The following ZBTB8A variants were observed in gnomAD, a reference collection of about 807,000 sequenced individuals.
ZBTB8A encodes the protein zinc finger and BTB domain-containing protein 8A.
Under a neutral mutation model 37.8 loss-of-function variants are expected in ZBTB8A, and 19 were observed. The ratio of observed to expected loss-of-function variants is 0.50; its 90% CI spans 0.35 to 0.74. ZBTB8A has a LOEUF of 0.74. ZBTB8A is among the 30% of genes least tolerant of loss of function. ZBTB8A has a pLI of 0.01. For synonymous variants in ZBTB8A, 181 were observed against 185.2 expected (o/e 0.98, Z 0.19); for missense variants, 394 against 537.8 (o/e 0.73, Z 2.65).
rs184972449 is a variant in ZBTB8A at position 32,593,111 on chromosome 1, G to A, written c.180G>A (p.Thr60=). The A allele has an allele frequency of 2.4e-5, 38 of 1,614,162 alleles. No homozygotes were observed. The highest frequency in any genetic ancestry group is 1.6e-4 in the Middle Eastern group (1 of 6,062). ...KMLLSQNSKE[T]SQPTTATFQA... ...TTCTTTCTCAGAATTCAAAGGAGAC[G>A]AGTCAGCCAACCACAGCTACATTTC... The change falls in exon 3 of 5, where the codon ACG becomes ACA. Residue 60 remains threonine (T), a synonymous_variant. Coordinates refer to ENST00000373510, the MANE Select transcript of ZBTB8A (RefSeq NM_001040441.3).
At chr1:32,585,997 C>A (rs758048883) in intron 2 of ZBTB8A, among the ~76,000 whole-genome samples, 4 of 150,230 alleles carry the variant, frequency 2.7e-5, no homozygotes, top group Non-Finnish European at 3.0e-5. Context: ...GAGTGAAATT[C>A]CGTCTCAAAA....
At chr1:32,567,946 C>T (rs1338816814) in intron 2 of ZBTB8A, among the ~76,000 whole-genome samples, 1 of 151,776 alleles carries the variant, frequency 6.6e-6, no homozygotes. Context: ...TTGAGACCAG[C>T]CTGGCTAACA....
chr1:32,551,058 A>G (rs2148216726), intron 1 of ZBTB8A, among the ~76,000 whole-genome samples: 1 of 152,246 alleles, frequency 6.6e-6, no homozygotes, highest in African/African-American at 2.4e-5. Flanking sequence ...CAGTGAAGCA[A>G]TCCAAGTAAA....
Position 32,600,390 on chromosome 1 carries a change from G to A in ZBTB8A, c.1297G>A (p.Glu433Lys), listed in dbSNP as rs1162929155. The change falls in exon 5 of 5, where the codon GAA becomes AAA. Residue 433 changes from glutamate to lysine, a missense_variant. Physicochemically the swap from Glu to Lys is moderately conservative, Grantham distance 56. Coordinates refer to ENST00000373510, the MANE Select transcript of ZBTB8A (RefSeq NM_001040441.3). ...QQVDDSEEEE[E>K]KEIKPNIR Reference sequence around the variant, plus strand: ...GGTTGATGATAGTGAAGAAGAAGAAGAAAAAGAAATTAAGCCCAACATTAG... The same window carrying A: ...GGTTGATGATAGTGAAGAAGAAGAAAAAAAAGAAATTAAGCCCAACATTAG... 2 of 1,611,982 alleles carry A rather than the reference G, an allele frequency of 1.2e-6. No homozygotes were observed.
At chr1:32,559,169 T>A (rs1175880790) in intron 2 of ZBTB8A, among the ~76,000 whole-genome samples, 1 of 152,118 alleles carries the variant, frequency 6.6e-6, no homozygotes, top group Non-Finnish European at 1.5e-5. Context: ...TGGAGTGCAA[T>A]GGCGTGATCT....
intron 1 of ZBTB8A, among the ~76,000 whole-genome samples, chr1:32,546,640 A>C (rs1490360793): frequency 6.6e-6 from 1 of 152,018 alleles, no homozygotes; most frequent in Non-Finnish European, 1.5e-5. Flanking sequence ...TCAAGAATTT[A>C]AAAAAGGAAA....
chr1:32,586,886 C>G (rs906855236), intron 2 of ZBTB8A, among the ~76,000 whole-genome samples: 2 of 152,018 alleles, frequency 1.3e-5, no homozygotes, highest in Admixed American at 1.3e-4. Context: ...ATTTCACTTA[C>G]GTTTTAGAAG....
chr1:32,563,612 G>A lies in ZBTB8A; in HGVS notation c.-2+10072G>A, dbSNP rs1170891062. 3.9e-5 allele frequency among the ~76,000 whole-genome samples: 6 copies of A among 151,910 alleles called. No individual in the cohort carries two copies. The South Asian group carries it at 6.2e-4, about 16-fold the overall frequency. ...CAAGTAGCTGGTATTACAGGCGCCC[G>A]CCACCACACCCAGCTAATTTTTGTG... On this transcript the variant is annotated intron_variant, in intron 2 of 4. Transcript: ENST00000373510.
intron 2 of ZBTB8A, among the ~76,000 whole-genome samples, chr1:32,559,517 G>A (rs1305941584): frequency 6.6e-6 from 1 of 152,122 alleles, no homozygotes; most frequent in African/African-American, 2.4e-5. Flanking sequence ...AGGCTGGAGT[G>A]CAGTGGCATG....
At chr1:32,546,452 AAAT>A (rs1358128086) in intron 1 of ZBTB8A, among the ~76,000 whole-genome samples, 13 of 128,906 alleles carry the variant, frequency 1.0e-4, no homozygotes, top group South Asian at 4.4e-4. Context: ...TCAAAAAAAA[AAAT>A]AAATAAATAA....
rs541190045 is a variant in ZBTB8A at position 32,543,417 on chromosome 1, C to T, written c.-84+3845C>T. On this transcript the variant is annotated intron_variant, in intron 1 of 4. Transcript: ENST00000373510. ...TAACTCTTACGCCATAAAATTTACC[C>T]ATTTTAAAGTGTACAATTCAGTTTT... 2.6e-5 allele frequency among the ~76,000 whole-genome samples: 4 copies of T among 152,178 alleles called. No individual in the cohort carries two copies. In the South Asian group the frequency reaches 8.3e-4, roughly 32 times the overall value.
chr1:32,553,152 C>T (rs147864756), intron 1 of ZBTB8A, among the ~76,000 whole-genome samples: 1,555 of 151,856 alleles, frequency 0.01, 9 homozygotes, highest in South Asian at 0.03. Flanking sequence ...CTCCGCCTCC[C>T]GAGTTCAAGC....
intron 4 of ZBTB8A, among the ~76,000 whole-genome samples, chr1:32,596,874 C>T (rs927480029): frequency 3.9e-5 from 6 of 152,084 alleles, no homozygotes; most frequent in Non-Finnish European, 8.8e-5. Flanking sequence ...TGTATAAATG[C>T]TTTAAGTGTC....
intron 2 of ZBTB8A, among the ~76,000 whole-genome samples, chr1:32,554,500 ATT>A (rs1644184701): frequency 7.0e-6 from 1 of 143,140 alleles, no homozygotes; most frequent in Non-Finnish European, 1.5e-5. Flanking sequence ...TTATTTATTT[ATT>A]TATTTATTTA....
chr1:32,544,513 A>G (rs1188243731), intron 1 of ZBTB8A, among the ~76,000 whole-genome samples: 5 of 152,250 alleles, frequency 3.3e-5, no homozygotes, highest in African/African-American at 1.2e-4. Context: ...CCTGGCCAAC[A>G]TGGCAAAACC....
chr1:32,580,355 C>T (rs899147792), intron 2 of ZBTB8A, among the ~76,000 whole-genome samples: 3 of 151,804 alleles, frequency 2.0e-5, no homozygotes, highest in African/African-American at 7.3e-5. Flanking sequence ...TTCAGGAGTT[C>T]GAGACAAGCC....
At chr1:32,591,924 A>G (rs927992510) in intron 2 of ZBTB8A, among the ~76,000 whole-genome samples, 2 of 152,006 alleles carry the variant, frequency 1.3e-5, no homozygotes, top group Admixed American at 6.6e-5. Context: ...GCTCACTGCA[A>G]CCTCTACCTC....
intron 1 of ZBTB8A, among the ~76,000 whole-genome samples, chr1:32,546,928 G>A (rs1049014330): frequency 6.6e-6 from 1 of 152,018 alleles, no homozygotes; most frequent in African/African-American, 2.4e-5. Context: ...TTGAGACAGG[G>A]TCTTGCCCTG....
intron 2 of ZBTB8A, among the ~76,000 whole-genome samples, chr1:32,556,446 C>G (rs763126756): frequency 2.0e-5 from 3 of 152,080 alleles, no homozygotes; most frequent in Non-Finnish European, 4.4e-5. Flanking sequence ...TAGCTCACTG[C>G]AGCCTCCAAC....
Sources: gnomAD v4.1 joint callset for allele counts (sites outside exome capture counted in the v4.1 genomes callset) on GRCh38, gnomAD v4.1.1 for gene constraint, MANE v1.5 for transcripts, NCBI Gene and HGNC (gene_info 2026-07-23, HGNC 2026-07-21) for gene names.